TENM2: variants seen among roughly 807,000 people sequenced by gnomAD.
The protein encoded by TENM2 is teneurin-2.
A neutral mutation model predicts 245.2 loss-of-function variants in TENM2; 52 were observed. The observed-to-expected ratio is 0.21, with a 90% confidence interval of 0.17 to 0.27. TENM2 has a LOEUF of 0.27. TENM2 is among the 10% of genes least tolerant of loss of function. The pLI is 1.00. For synonymous variants in TENM2, 1,363 were observed against 1,438.9 expected, an observed-to-expected ratio of 0.95 and a Z score of 1.19; for missense variants, 3,046 against 3,666.8, an observed-to-expected ratio of 0.83 and a Z score of 4.37.
chr5:167,010,233 A>T, the TENM2 span, among the ~76,000 whole-genome samples: 1 of 152,164 alleles, frequency 6.6e-6, no homozygotes, highest in African/African-American at 2.4e-5. Context: ...AATACAAAAA[A>T]TTAGCCGGGC....
chr5:167,534,644 G>A (rs1771732514), intron 2 of TENM2, among the ~76,000 whole-genome samples: 1 of 152,204 alleles, frequency 6.6e-6, no homozygotes, highest in Admixed American at 6.5e-5. Flanking sequence ...AGTGGTATCT[G>A]AGCAATGGAG....
chr5:167,135,321 A>C, the TENM2 span, among the ~76,000 whole-genome samples: 1 of 152,242 alleles, frequency 6.6e-6, no homozygotes, highest in Admixed American at 6.5e-5. Flanking sequence ...AAACATTTTA[A>C]AGCTACTAAC....
chr5:168,174,745 C>T (rs568770305), intron 13 of TENM2, among the ~76,000 whole-genome samples: 5 of 152,308 alleles, frequency 3.3e-5, no homozygotes, highest in South Asian at 2.1e-4. Flanking sequence ...CATCCTGAGG[C>T]GGTGGCCACT....
At chr5:167,467,678 T>A (rs1442814520) in intron 2 of TENM2, among the ~76,000 whole-genome samples, 1 of 152,172 alleles carries the variant, frequency 6.6e-6, no homozygotes, top group East Asian at 1.9e-4. Flanking sequence ...GGAATTATGA[T>A]GAAAATAAGA....
intron 5 of TENM2, among the ~76,000 whole-genome samples, chr5:168,016,005 A>G (rs879313734): frequency 6.6e-6 from 1 of 152,142 alleles, no homozygotes; most frequent in Non-Finnish European, 1.5e-5. Context: ...AGAGGCCTAT[A>G]TTCCCCTCCT....
At chr5:167,763,609 C>A (rs1017279670) in intron 2 of TENM2, among the ~76,000 whole-genome samples, 7 of 152,152 alleles carry the variant, frequency 4.6e-5, no homozygotes, top group Non-Finnish European at 8.8e-5. Flanking sequence ...TGTCTAAGAA[C>A]CAAAGTCATT....
At chr5:167,458,449 T>C (rs553401234) in intron 2 of TENM2, among the ~76,000 whole-genome samples, 4 of 127,580 alleles carry the variant, frequency 3.1e-5, no homozygotes, top group African/African-American at 1.2e-4. Flanking sequence ...ATCATGCAAC[T>C]GCACTCCAGC....
At chr5:168,086,847 C>G (rs983350397) in intron 7 of TENM2, among the ~76,000 whole-genome samples, 1 of 152,242 alleles carries the variant, frequency 6.6e-6, no homozygotes, top group Non-Finnish European at 1.5e-5. Context: ...AAAGGAAACT[C>G]TGGCCAGGGC....
chr5:167,646,362 G>C (rs1402876356), intron 2 of TENM2, among the ~76,000 whole-genome samples: 1 of 151,274 alleles, frequency 6.6e-6, no homozygotes, highest in African/African-American at 2.4e-5. Context: ...TTTTCTGATG[G>C]TATCAGTGAA....
At chr5:167,895,007 A>AAGGAGGGAAGGAAGGGAGGG (rs1775100855) in intron 3 of TENM2, among the ~76,000 whole-genome samples, 1 of 126,784 alleles carries the variant, frequency 7.9e-6, no homozygotes, top group Non-Finnish European at 1.7e-5. Context: ...GGAAGGAAGG[A>AAGGAGGGAAGGAAGGGAGGG]AGGGAGGGAG....
At chr5:167,514,210 CA>C (rs1341016345) in intron 2 of TENM2, among the ~76,000 whole-genome samples, 2 of 152,178 alleles carry the variant, frequency 1.3e-5, no homozygotes, top group Admixed American at 6.5e-5. Flanking sequence ...ACCTACTTTT[CA>C]AAATACTGGA....
intron 2 of TENM2, among the ~76,000 whole-genome samples, chr5:167,551,611 T>TAC (rs757659966): frequency 1.2e-4 from 18 of 151,974 alleles, no homozygotes; most frequent in African/African-American, 4.4e-4. Flanking sequence ...CATACATACA[T>TAC]ACACACACAC....
At chr5:168,150,406 G>A (rs1317989881) in intron 12 of TENM2, among the ~76,000 whole-genome samples, 1 of 152,220 alleles carries the variant, frequency 6.6e-6, no homozygotes, top group African/African-American at 2.4e-5. Flanking sequence ...GGAGACAGAA[G>A]CCAACACTCT....
At chr5:167,059,708 C>CATTT in the TENM2 span, among the ~76,000 whole-genome samples, 2 of 142,796 alleles carry the variant, frequency 1.4e-5, no homozygotes, top group African/African-American at 5.3e-5. Context: ...AAGTAAATGT[C>CATTT]TTTTTTTTTT....
At chr5:167,640,864 T>TATATATCC (rs1561628784) in intron 2 of TENM2, among the ~76,000 whole-genome samples, 5 of 24,054 alleles carry the variant, frequency 2.1e-4, no homozygotes, top group Non-Finnish European at 2.6e-4. Context: ...TATATCCATA[T>TATATATCC]ATATATATAT....
chr5:167,655,078 G>A (rs186683040), intron 2 of TENM2, among the ~76,000 whole-genome samples: 44 of 152,214 alleles, frequency 2.9e-4, no homozygotes, highest in African/African-American at 9.4e-4. Context: ...ACAGACGATC[G>A]ATAGCCACAT....
chr5:167,678,216 T>C (rs566655605), intron 2 of TENM2, among the ~76,000 whole-genome samples: 1 of 152,126 alleles, frequency 6.6e-6, no homozygotes, highest in Non-Finnish European at 1.5e-5. Context: ...TTTTTGTGAT[T>C]TTTATTTTGT....
At chr5:167,194,219 C>G in the TENM2 span, among the ~76,000 whole-genome samples, 10 of 152,032 alleles carry the variant, frequency 6.6e-5, no homozygotes, top group Admixed American at 1.3e-4. Flanking sequence ...CTGGTGATGT[C>G]GCAAAGCATT....
chr5:167,950,744 C>A (rs1780024635), intron 3 of TENM2, among the ~76,000 whole-genome samples: 1 of 152,062 alleles, frequency 6.6e-6, no homozygotes, highest in African/African-American at 2.4e-5. Flanking sequence ...ATGAGACAGA[C>A]AAATGCTAAA....
Sources: allele counts gnomAD v4.1 joint callset (sites outside exome capture counted in the v4.1 genomes callset), GRCh38; gene constraint gnomAD v4.1.1; transcripts MANE v1.5; gene names NCBI Gene and HGNC (gene_info 2026-07-23, HGNC 2026-07-21).